INPP4B: variants seen among roughly 807,000 people sequenced by gnomAD.
The protein encoded by INPP4B is inositol polyphosphate-4-phosphatase type II B, also known as inositol polyphosphate 4-phosphatase type II.
INPP4B carries 55 observed loss-of-function variants against 122.5 expected under a neutral mutation model. That is an observed-to-expected ratio of 0.45 (90% CI 0.36 to 0.56). The LOEUF is 0.56. Among genes scored for constraint, INPP4B ranks in the 20% least tolerant of loss-of-function variants. The pLI is 0.00. For missense variants in INPP4B, 1,000 were observed against 1,097.7 expected (o/e 0.91, Z 1.26); for synonymous variants, 403 against 388.7 (o/e 1.04, Z -0.43).
At chr4:142,527,899 T>C (rs1368797543) in intron 2 of INPP4B, among the ~76,000 whole-genome samples, 1 of 152,042 alleles carries the variant, frequency 6.6e-6, no homozygotes, top group African/African-American at 2.4e-5. Context: ...TTTGTTGATA[T>C]GCATTTGCAC....
chr4:142,529,357 A>G (rs141078327), intron 2 of INPP4B, among the ~76,000 whole-genome samples: 1 of 152,030 alleles, frequency 6.6e-6, no homozygotes, highest in Non-Finnish European at 1.5e-5. Context: ...ATGAAGCTAG[A>G]TCTTTTACTT....
intron 1 of INPP4B, among the ~76,000 whole-genome samples, chr4:142,810,043 G>T (rs1032842864): frequency 6.6e-6 from 1 of 151,844 alleles, no homozygotes; most frequent in African/African-American, 2.4e-5. Context: ...GGTGGTGGGT[G>T]CCTGTAATCC....
At chr4:142,372,072 G>T (rs1178364106) in intron 7 of INPP4B, among the ~76,000 whole-genome samples, 2 of 151,988 alleles carry the variant, frequency 1.3e-5, no homozygotes, top group Admixed American at 1.3e-4. Context: ...AAAATGTGGT[G>T]TATATACACA....
At chr4:142,383,251 C>G (rs1336227656) in intron 7 of INPP4B, among the ~76,000 whole-genome samples, 1 of 152,088 alleles carries the variant, frequency 6.6e-6, no homozygotes, top group Non-Finnish European at 1.5e-5. Flanking sequence ...GTTAAAAAAA[C>G]ATTCATCAGG....
At chr4:142,267,613 A>ACATTTAAAAT (rs1743463995) in intron 10 of INPP4B, among the ~76,000 whole-genome samples, 1 of 152,232 alleles carries the variant, frequency 6.6e-6, no homozygotes. Context: ...AAACTATAAA[A>ACATTTAAAAT]GTACTAGGAA....
chr4:142,435,863 G>T (rs2149403603), intron 3 of INPP4B, among the ~76,000 whole-genome samples: 1 of 152,228 alleles, frequency 6.6e-6, no homozygotes, highest in African/African-American at 2.4e-5. Context: ...CAGCCACTTG[G>T]CTGGAATCTG....
chr4:142,329,880 T>G (rs1773812206), intron 7 of INPP4B, among the ~76,000 whole-genome samples: 1 of 152,066 alleles, frequency 6.6e-6, no homozygotes, highest in Non-Finnish European at 1.5e-5. Flanking sequence ...TATTTACACT[T>G]TTTTTTACAC....
At chr4:142,571,164 C>A (rs1732731443) in intron 2 of INPP4B, among the ~76,000 whole-genome samples, 1 of 151,646 alleles carries the variant, frequency 6.6e-6, no homozygotes. Flanking sequence ...GCCTTGGCAC[C>A]CCCAGAAAAG....
At chr4:142,383,236 T>C (rs1295444507) in intron 7 of INPP4B, among the ~76,000 whole-genome samples, 2 of 152,272 alleles carry the variant, frequency 1.3e-5, no homozygotes, top group Middle Eastern at 3.4e-3. Flanking sequence ...AATTTACTTA[T>C]AGCTGTTAAA....
chr4:142,382,578 A>T, intron 7 of INPP4B, among the ~76,000 whole-genome samples: 1 of 136,330 alleles, frequency 7.3e-6, no homozygotes, highest in South Asian at 2.1e-4. Context: ...TATATTATAT[A>T]TTATATATAT....
At chr4:142,400,773 A>G in intron 7 of INPP4B, among the ~76,000 whole-genome samples, 1 of 152,210 alleles carries the variant, frequency 6.6e-6, no homozygotes, top group East Asian at 1.9e-4. Context: ...TCAAGGAAGA[A>G]AGTCTTTAAA....
intron 7 of INPP4B, among the ~76,000 whole-genome samples, chr4:142,355,624 A>G (rs1783328476): frequency 6.6e-6 from 1 of 152,080 alleles, no homozygotes; most frequent in Non-Finnish European, 1.5e-5. Context: ...ATTCTTATCT[A>G]CTATGAAAAG....
chr4:142,652,927 G>A (rs565253689), intron 2 of INPP4B, among the ~76,000 whole-genome samples: 12 of 151,280 alleles, frequency 7.9e-5, no homozygotes, highest in Non-Finnish European at 3.0e-5. Flanking sequence ...ACAATCCTAA[G>A]CAAAAGGTAC....
At chr4:142,481,161 A>G (rs1054311693) in intron 2 of INPP4B, among the ~76,000 whole-genome samples, 3 of 150,076 alleles carry the variant, frequency 2.0e-5, no homozygotes, top group African/African-American at 7.3e-5. Context: ...AAAAAAGTAG[A>G]TTAAACTGTT....
chr4:142,115,966 G>A (rs10001265), intron 21 of INPP4B, among the ~76,000 whole-genome samples: 1 of 151,840 alleles, frequency 6.6e-6, no homozygotes, highest in African/African-American at 2.4e-5. Flanking sequence ...GATGGAGGAA[G>A]ATCTACCAAG....
At chr4:142,800,800 G>A (rs1179903373) in intron 1 of INPP4B, among the ~76,000 whole-genome samples, 5 of 152,234 alleles carry the variant, frequency 3.3e-5, no homozygotes, top group East Asian at 1.9e-4. Flanking sequence ...TGCTTGGAAC[G>A]TCTTATGTTT....
intron 15 of INPP4B, among the ~76,000 whole-genome samples, chr4:142,187,802 C>CTCAGGCT (rs1833837860): frequency 6.6e-6 from 1 of 152,086 alleles, no homozygotes; most frequent in South Asian, 2.1e-4. Context: ...TGCGATGTTG[C>CTCAGGCT]TCAGGCTGGT....
chr4:142,835,442 A>C (rs144847353), intron 1 of INPP4B, among the ~76,000 whole-genome samples: 15 of 152,362 alleles, frequency 9.8e-5, no homozygotes, highest in African/African-American at 1.4e-4. Context: ...GTTATGCAGC[A>C]TTTAAGAAAT....
At chr4:142,323,750 T>C (rs1771207914) in intron 7 of INPP4B, among the ~76,000 whole-genome samples, 5 of 144,450 alleles carry the variant, frequency 3.5e-5, no homozygotes, top group Admixed American at 3.5e-4. Context: ...CAGCAGATCT[T>C]TTTTTTTTTT....
Sources: gnomAD v4.1 joint callset for allele counts (sites outside exome capture counted in the v4.1 genomes callset) on GRCh38, gnomAD v4.1.1 for gene constraint, MANE v1.5 for transcripts, NCBI Gene and HGNC (gene_info 2026-07-23, HGNC 2026-07-21) for gene names.